Variants in WDR90 observed in about 807,000 individuals in gnomAD.
The protein encoded by WDR90 is WD repeat-containing protein 90.
WDR90 carries 238 observed loss-of-function variants against 195.2 expected under a neutral mutation model. That is an observed-to-expected ratio of 1.22 (90% CI 1.10 to 1.36). The LOEUF (loss-of-function observed/expected upper bound fraction) is 1.36, where lower values mean the gene tolerates loss of function less well. WDR90 is among the 40% of genes most tolerant of loss of function. The probability of loss-of-function intolerance (pLI) is 0.00; values close to 1 mark genes in which losing one functional copy is unlikely to be tolerated. For missense variants in WDR90, 2,734 were observed against 2,439.5 expected, an observed-to-expected ratio of 1.12 and a Z score of -2.54; for synonymous variants, 1,265 against 1,052.4, an observed-to-expected ratio of 1.20 and a Z score of -3.91.
Position 659,258 on chromosome 16 carries a change from A to G in WDR90, c.3066A>G (p.Gly1022=), listed in dbSNP as rs760239662. 1.8e-5 allele frequency: 29 copies of G among 1,611,138 alleles called. No individual in the cohort carries two copies. The highest frequency in any genetic ancestry group is 2.3e-5 in the Non-Finnish European group (27 of 1,179,440). ...CTTCTTCCCCAGGCCCGGGCGCAGG[A>G]CCGCTGGAGGACGCAGCGTCCAGGG... The part of the protein sequence containing the change: ...PPACKTGPGA[G]PLEDAASRAS... Residue 1022 remains glycine (G), a synonymous_variant, in exon 26 of 41, where the codon GGA becomes GGG. Transcript: ENST00000293879.
chr16:658,090 C>T (rs1596464225), intron 21 of WDR90, 93 bp from the exon 22 acceptor site: 14 of 1,509,340 alleles, frequency 9.3e-6, no homozygotes, highest in East Asian at 2.4e-5. Context: ...GTGCCGAGTG[C>T]GTGTCCCCGG....
At chr16:661,270 C>T in intron 29 of WDR90, 72 bp from the exon 30 acceptor site, 1 of 1,532,048 alleles carries the variant, frequency 6.5e-7, no homozygotes, top group Non-Finnish European at 8.8e-7. Flanking sequence ...AAAGACGGAG[C>T]AGACGGCCAC....
In WDR90 at chr16:650,285, A is replaced by T. The variant is rs745693448; in HGVS notation, c.311A>T (p.Asn104Ile). Residue 104 changes from asparagine to isoleucine, a missense_variant, in exon 4 of 41, where the codon AAC becomes ATC. Physicochemically the swap from Asn to Ile is moderately radical, Grantham distance 149 (BLOSUM62 -3). Transcript: ENST00000293879. ...DNQVIRVSFS[N>I]LFKEFKSTAT... The stretch of plus-strand genomic sequence containing the variant: ...CAAGTCATCCGTGTGTCTTTCTCCA[A>T]CCTCTTCAAGGAGTTTAAGTCTACG... 1.2e-6 allele frequency: 2 copies of T among 1,612,670 alleles called. No individual in the cohort carries two copies. Among genetic ancestry groups the T allele is most frequent in the African/African-American group, 1.3e-5 (1 of 74,944 alleles).
chr16:666,148 A>T (rs1342914563), intron 36 of WDR90, 24 bp downstream of exon 36: 2 of 1,607,030 alleles, frequency 1.2e-6, no homozygotes, highest in South Asian at 1.1e-5. Flanking sequence ...TGTGTTGGGG[A>T]TGGTGCCGTC....
chr16:658,906 G>T lies in WDR90; in HGVS notation c.2906G>T (p.Gly969Val). ...QASPGPQVYI[G>V]HSEPVQAVAF... ...CGCCGCTACCCCTAGGTGTACATCG[G>T]CCACTCGGAACCCGTGCAGGCTGTG... The change falls in exon 24 of 41, where the codon GGC (glycine) becomes GTC (valine). Residue 969 changes from glycine (G) to valine (V), a missense_variant. Gly to Val is a moderately radical substitution (Grantham distance 109, BLOSUM62 -3). Coordinates refer to ENST00000293879, the MANE Select transcript of WDR90 (RefSeq NM_145294.5). 1 of 1,611,964 alleles carries T rather than the reference G, an allele frequency of 6.2e-7. No individual in the cohort carries two copies.
chr16:652,134 C>A, intron 9 of WDR90, 95 bp downstream of exon 9: 1 of 1,365,820 alleles, frequency 7.3e-7, no homozygotes, highest in Non-Finnish European at 1.0e-6. Context: ...GGATGTGCCT[C>A]CAACGGTCTC....
intron 9 of WDR90, 190 bp downstream of exon 9, chr16:652,229 G>A (rs563158137): frequency 2.4e-6 from 2 of 836,720 alleles, no homozygotes; most frequent in East Asian, 5.4e-5. Context: ...GTAAGGCAGG[G>A]CTTCTGCTCA....
At position 649,385 on chromosome 16, in the gene WDR90, A is replaced by G. The variant is rs1173786791; in HGVS notation, c.-32A>G. On this transcript the variant is annotated 5_prime_UTR_variant, in exon 1 of 41. Transcript: ENST00000293879. ...GGCGTACTCTGCGCTGGGCGCGCGG[A>G]GGCCTAGGCGGGAAGCTCGAGCGGC... 7.5e-7 allele frequency: 1 copy of G among 1,325,930 alleles called. No individual in the cohort carries two copies. The highest frequency in any genetic ancestry group is 2.0e-5 in the South Asian group (1 of 50,856). The allele number at this position is 1,325,930 out of a possible 1,614,324, so 82.1% of individuals were successfully genotyped here. A position where few individuals can be genotyped will look rare whatever the true frequency, so the allele number is the denominator to read the frequency against.
In WDR90 at chr16:665,703, G is replaced by C. The variant is rs201425786; in HGVS notation, c.4336G>C (p.Gly1446Arg). 8 of 1,612,628 alleles carry C rather than the reference G, an allele frequency of 5.0e-6. No individual in the cohort carries two copies. The highest frequency in any genetic ancestry group is 6.8e-6 in the Non-Finnish European group (8 of 1,179,884). ...GGTGAACGAGGTGGTCTTCAGCCCCGGGGAGTCCCACTGCGCCACATGCAG... is the reference window on the plus strand; with the variant it reads ...GGTGAACGAGGTGGTCTTCAGCCCCCGGGAGTCCCACTGCGCCACATGCAG... ...SKVNEVVFSPGESHCATCSED... is the reference protein window; with the variant it reads ...SKVNEVVFSPRESHCATCSED... Residue 1446 changes from glycine to arginine, a missense_variant, in exon 35 of 41, where the codon GGG becomes CGG. Coordinates refer to ENST00000293879, the MANE Select transcript of WDR90 (RefSeq NM_145294.5).
rs551672585 is a variant in WDR90, at chr16:661,604, C to T, written c.3681C>T (p.His1227=). Reference sequence around the variant, plus strand: ...GCTCTGTGTCCTTCCCAGGGGACCACGATGGCCGCACCCTCGCCCTGTGGG... The same window carrying T: ...GCTCTGTGTCCTTCCCAGGGGACCATGATGGCCGCACCCTCGCCCTGTGGG... The part of the protein sequence containing the change: ...DDRLLVTLGD[H]DGRTLALWGT... The change falls in exon 31 of 41, where the codon CAC becomes CAT. Residue 1227 remains histidine (H), a synonymous_variant. Coordinates refer to ENST00000293879, the MANE Select transcript of WDR90 (RefSeq NM_145294.5). 8 of 1,588,852 alleles carry T rather than the reference C, an allele frequency of 5.0e-6. No individual in the cohort carries two copies. The highest frequency in any genetic ancestry group is 2.3e-5 in the South Asian group (2 of 88,260).
intron 13 of WDR90, chr16:654,813 G>A (rs1354711230): frequency 6.8e-6 from 4 of 584,544 alleles, no homozygotes; most frequent in East Asian, 2.8e-5. Flanking sequence ...CGAATGGGTT[G>A]CAGTGCTCAG....
chr16:662,958 G>C (rs1474120566), intron 34 of WDR90, 114 bp downstream of exon 34: 1 of 1,461,522 alleles, frequency 6.8e-7, no homozygotes, highest in Non-Finnish European at 9.3e-7. Context: ...TCACTGGCTC[G>C]CAGCGGCCGC....
rs1196605445 is a variant in WDR90, at chr16:651,765, C to T, written c.840+18C>T. 20 of 1,612,788 alleles carry T rather than the reference C, an allele frequency of 1.2e-5. No homozygotes were observed. Among genetic ancestry groups the T allele is most frequent in the Non-Finnish European group, 1.6e-5 (19 of 1,179,946 alleles). On this transcript the variant is annotated intron_variant, in intron 8 of 40. Coordinates refer to ENST00000293879, the MANE Select transcript of WDR90 (RefSeq NM_145294.5). ...CCACAGCCGTGAGTACCCCCTTCGC[C>T]CTATGAGATGGGGTTGGGGTGTGAT... is the stretch of plus-strand genomic sequence containing the variant.
At chr16:657,377 G>A (rs2037783183) in intron 20 of WDR90, 156 bp downstream of exon 20, 1 of 1,204,722 alleles carries the variant, frequency 8.3e-7, no homozygotes, top group Non-Finnish European at 1.1e-6. Context: ...TCAAGGCCCT[G>A]AGGAGACTGT....
At position 665,817 on chromosome 16, in the gene WDR90, CCGGGCCGGGGGCGGGATG is replaced by C. The variant is rs749332915; in HGVS notation, c.4434+17_4434+34del. On this transcript the variant is annotated intron_variant, in intron 35 of 40. Transcript: ENST00000293879. Reference sequence around the variant, plus strand: ...GCTGAACCAGGTGTGTGGGGAGTGCCCGGGCCGGGGGCGGGATGGGGGCCTGCTCAGTGGGGGGCCTGG... The same window carrying C: ...GCTGAACCAGGTGTGTGGGGAGTGCCGGGGCCTGCTCAGTGGGGGGCCTGG... 11 of 1,566,036 alleles carry C rather than the reference CCGGGCCGGGGGCGGGATG, an allele frequency of 7.0e-6. No homozygotes were observed. Among genetic ancestry groups the C allele is most frequent in the African/African-American group, 2.7e-5 (2 of 73,896 alleles).
chr16:653,983 A>C (rs1596460566), intron 13 of WDR90, 180 bp downstream of exon 13: 1 of 723,108 alleles, frequency 1.4e-6, no homozygotes, highest in Non-Finnish European at 2.2e-6. Context: ...CTGCACAAAA[A>C]CCACCACCAG....
At chr16:661,536 C>T in intron 30 of WDR90, 35 bp downstream of exon 30, 1 of 1,542,828 alleles carries the variant, frequency 6.5e-7, no homozygotes, top group Non-Finnish European at 8.6e-7. Flanking sequence ...CAGGGGCTTC[C>T]CTAGACCCCG....
chr16:664,684 A>ATTT (rs71391146), intron 34 of WDR90, among the ~76,000 whole-genome samples: 1 of 141,760 alleles, frequency 7.1e-6, no homozygotes, highest in African/African-American at 2.6e-5. Context: ...GCTGAACTGA[A>ATTT]TTTTTTTTTT....
Position 650,369 on chromosome 16 carries a change from C to G in WDR90, c.388+7C>G. Reference sequence around the variant, plus strand: ...GCCAGGACACCTCAGAGAGGTGACACCAAGATGGGGTGTGGATGATCCAGG... The same window carrying G: ...GCCAGGACACCTCAGAGAGGTGACAGCAAGATGGGGTGTGGATGATCCAGG... On this transcript the variant is annotated splice_region_variant and intron_variant, in intron 4 of 40. Coordinates refer to ENST00000293879, the MANE Select transcript of WDR90 (RefSeq NM_145294.5). 2 of 1,611,042 alleles carry G rather than the reference C, an allele frequency of 1.2e-6. No individual in the cohort carries two copies. The highest frequency in any genetic ancestry group is 1.7e-6 in the Non-Finnish European group (2 of 1,178,376).
Sources: gnomAD v4.1 joint callset for allele counts (sites outside exome capture counted in the v4.1 genomes callset) on GRCh38, gnomAD v4.1.1 for gene constraint, MANE v1.5 for transcripts, NCBI Gene and HGNC (gene_info 2026-07-23, HGNC 2026-07-21) for gene names.